Variants in TRERF1 observed in about 807,000 individuals in gnomAD.
TRERF1 encodes transcriptional regulating factor 1, also known as transcriptional-regulating factor 1.
In TRERF1, 27 loss-of-function variants were observed where a neutral mutation model predicts 122.9. The ratio of observed to expected loss-of-function variants is 0.22; its 90% CI spans 0.16 to 0.30. TRERF1 has a LOEUF of 0.30. Among genes scored for constraint, TRERF1 ranks in the 10% least tolerant of loss-of-function variants. The probability of loss-of-function intolerance (pLI) is 1.00; values close to 1 mark genes in which losing one functional copy is unlikely to be tolerated. For synonymous variants in TRERF1, 636 were observed against 641.7 expected (o/e 0.99, Z 0.13); for missense variants, 1,248 against 1,560.3 (o/e 0.80, Z 3.37).
chr6:42,267,913 G>A (rs1484531920), intron 5 of TRERF1, among the ~76,000 whole-genome samples: 1 of 152,224 alleles, frequency 6.6e-6, no homozygotes, highest in East Asian at 1.9e-4. Context: ...AGGGCATGAT[G>A]TGGTACTCTG....
intron 15 of TRERF1, among the ~76,000 whole-genome samples, chr6:42,242,665 A>T (rs1221675687): frequency 6.6e-6 from 1 of 152,236 alleles, no homozygotes; most frequent in Non-Finnish European, 1.5e-5. Context: ...CTTAATGTGC[A>T]GTTGACTGTG....
chr6:42,361,551 T>C (rs1771768850), intron 3 of TRERF1, among the ~76,000 whole-genome samples: 1 of 152,210 alleles, frequency 6.6e-6, no homozygotes, highest in Non-Finnish European at 1.5e-5. Flanking sequence ...ATCCCTTGAC[T>C]TCCCTGGGTC....
intron 15 of TRERF1, among the ~76,000 whole-genome samples, chr6:42,238,432 T>C (rs970441626): frequency 1.3e-5 from 2 of 152,182 alleles, no homozygotes; most frequent in Non-Finnish European, 2.9e-5. Flanking sequence ...TGATTTACCA[T>C]CAAACCACAT....
chr6:42,431,866 C>G (rs1233929002), intron 2 of TRERF1, among the ~76,000 whole-genome samples: 5 of 152,160 alleles, frequency 3.3e-5, no homozygotes, highest in African/African-American at 1.2e-4. Flanking sequence ...TTGTCCCCAC[C>G]TTCATGTCCC....
intron 2 of TRERF1, among the ~76,000 whole-genome samples, chr6:42,426,385 C>A (rs560038394): frequency 4.5e-4 from 68 of 152,076 alleles, no homozygotes; most frequent in Non-Finnish European, 7.9e-4. Context: ...ACACAGTACC[C>A]CCACACAGAC....
chr6:42,367,490 G>A (rs1404052857), intron 2 of TRERF1, among the ~76,000 whole-genome samples: 1 of 152,192 alleles, frequency 6.6e-6, no homozygotes, highest in African/African-American at 2.4e-5. Flanking sequence ...GCAAGAGGCT[G>A]CACGCCACTG....
chr6:42,259,843 C>T lies in TRERF1; in HGVS notation c.1885-120G>A, dbSNP rs571158370. 8 of 1,381,538 alleles carry T rather than the reference C, an allele frequency of 5.8e-6. No homozygotes were observed. In the South Asian group the frequency reaches 8.2e-5, roughly 14 times the overall value. 85.6% of individuals were successfully genotyped at this position (1,381,538 alleles called of 1,614,324 possible). A position where few individuals can be genotyped will look rare whatever the true frequency, so the allele number is the denominator to read the frequency against. On this transcript the variant is annotated intron_variant, in intron 8 of 17. Transcript: ENST00000372922. The surrounding 1 kb of genome is among the most constrained non-coding windows in gnomAD (Gnocchi z 4.9). ...AGAGAGCCCTTCTGCTTGACCCCCC[C>T]ACCCCCAACGCCCCCACATTCTGAC... is the stretch of plus-strand genomic sequence containing the variant.
intron 2 of TRERF1, among the ~76,000 whole-genome samples, chr6:42,400,148 C>T (rs1377880666): frequency 2.0e-5 from 3 of 152,190 alleles, no homozygotes; most frequent in African/African-American, 7.2e-5. Context: ...GTCACAGGAC[C>T]TGCATCTTTT....
intron 2 of TRERF1, among the ~76,000 whole-genome samples, chr6:42,377,502 A>G (rs557385744): frequency 1.3e-5 from 2 of 152,312 alleles, no homozygotes; most frequent in East Asian, 1.9e-4. Context: ...CAGTACTCCA[A>G]CTGCTTTTAT....
chr6:42,345,062 A>G (rs184091062), intron 3 of TRERF1, among the ~76,000 whole-genome samples: 1 of 152,332 alleles, frequency 6.6e-6, no homozygotes, highest in African/African-American at 2.4e-5. Flanking sequence ...ATTGTTAGGC[A>G]AAAGAAGGCA....
intron 2 of TRERF1, among the ~76,000 whole-genome samples, chr6:42,416,183 T>G (rs1360475454): frequency 6.6e-6 from 1 of 152,150 alleles, no homozygotes; most frequent in African/African-American, 2.4e-5. Flanking sequence ...AATTCTCTTG[T>G]TTGTCTTTTA....
chr6:42,363,681 G>A (rs1581798632), intron 2 of TRERF1, among the ~76,000 whole-genome samples: 1 of 152,156 alleles, frequency 6.6e-6, no homozygotes, highest in Admixed American at 6.5e-5. Context: ...TTAAGACGAG[G>A]TCCTACTGAA....
At chr6:42,366,195 C>T (rs555730608) in intron 2 of TRERF1, among the ~76,000 whole-genome samples, 32 of 152,330 alleles carry the variant, frequency 2.1e-4, no homozygotes, top group African/African-American at 7.5e-4. Flanking sequence ...CATCTAGCTT[C>T]TCTGGGCAAG....
intron 3 of TRERF1, among the ~76,000 whole-genome samples, chr6:42,362,283 G>A (rs1771912699): frequency 6.6e-6 from 1 of 152,148 alleles, no homozygotes; most frequent in African/African-American, 2.4e-5. Flanking sequence ...TCATACAGGA[G>A]GAATGGAAAG....
intron 15 of TRERF1, among the ~76,000 whole-genome samples, chr6:42,242,666 G>A (rs1773975188): frequency 6.6e-6 from 1 of 152,212 alleles, no homozygotes; most frequent in South Asian, 2.1e-4. Context: ...TTAATGTGCA[G>A]TTGACTGTGG....
intron 2 of TRERF1, among the ~76,000 whole-genome samples, chr6:42,385,862 T>C (rs533810172): frequency 6.6e-6 from 1 of 152,240 alleles, no homozygotes; most frequent in African/African-American, 2.4e-5. Context: ...AATAATTTAA[T>C]ATGCTATCAT....
chr6:42,385,746 C>T (rs1429833500), intron 2 of TRERF1, among the ~76,000 whole-genome samples: 2 of 152,186 alleles, frequency 1.3e-5, no homozygotes, highest in Non-Finnish European at 1.5e-5. Context: ...TAAAATAACC[C>T]TTATATTTTA....
intron 3 of TRERF1, among the ~76,000 whole-genome samples, chr6:42,301,822 C>G (rs1325505197): frequency 1.3e-5 from 2 of 152,342 alleles, no homozygotes; most frequent in East Asian, 3.9e-4. Flanking sequence ...ACATTGCACA[C>G]CTTTCCTAAG....
chr6:42,261,754 C>T (rs1222451587), intron 8 of TRERF1, among the ~76,000 whole-genome samples: 2 of 152,204 alleles, frequency 1.3e-5, no homozygotes, highest in African/African-American at 2.4e-5. Flanking sequence ...CATGCTTCCA[C>T]TTCAGCCTAC....
Sources: allele counts gnomAD v4.1 joint callset (sites outside exome capture counted in the v4.1 genomes callset), GRCh38; gene constraint gnomAD v4.1.1; non-coding constraint Gnocchi (gnomAD v3.1); transcripts MANE v1.5; gene names NCBI Gene and HGNC (gene_info 2026-07-23, HGNC 2026-07-21).